FBLN7: variants seen among roughly 807,000 people sequenced by gnomAD.
The protein encoded by FBLN7 is fibulin-7.
Under a neutral mutation model 44.0 loss-of-function variants are expected in FBLN7, and 31 were observed. That is an observed-to-expected ratio of 0.70 (90% CI 0.53 to 0.95). FBLN7 has a LOEUF of 0.95. Among genes scored for constraint, FBLN7 ranks in the 40% least tolerant of loss-of-function variants. The pLI is 0.00. For missense variants in FBLN7, 573 were observed against 618.5 expected, an observed-to-expected ratio of 0.93 and a Z score of 0.78; for synonymous variants, 262 against 253.4, an observed-to-expected ratio of 1.03 and a Z score of -0.32.
chr2:112,181,288 A>C (rs577997228), intron 4 of FBLN7, among the ~76,000 whole-genome samples: 256 of 152,278 alleles, frequency 1.7e-3, no homozygotes, highest in African/African-American at 6.0e-3. Flanking sequence ...GTGTTTATCT[A>C]TGTAACAAAC....
chr2:112,172,351 T>C (rs141774911), intron 3 of FBLN7, among the ~76,000 whole-genome samples: 37 of 152,286 alleles, frequency 2.4e-4, no homozygotes, highest in African/African-American at 8.9e-4. Flanking sequence ...ATTTCCTGAG[T>C]TTTCCCACTT....
the FBLN7 span, among the ~76,000 whole-genome samples, chr2:112,201,518 CT>C: frequency 6.6e-6 from 1 of 151,750 alleles, no homozygotes; most frequent in Non-Finnish European, 1.5e-5. Flanking sequence ...TTTTTCCCTT[CT>C]TTTTTTTTCC....
At chr2:112,146,489 A>C (rs1447129975) in intron 1 of FBLN7, among the ~76,000 whole-genome samples, 1 of 151,722 alleles carries the variant, frequency 6.6e-6, no homozygotes, top group African/African-American at 2.4e-5. Context: ...GGTTTCTTTC[A>C]TCAGTATATA....
intron 3 of FBLN7, among the ~76,000 whole-genome samples, chr2:112,171,727 T>C (rs1682471655): frequency 1.3e-5 from 2 of 152,202 alleles, no homozygotes; most frequent in African/African-American, 2.4e-5. Flanking sequence ...CAATTTTTCA[T>C]TACCTCTTCT....
At chr2:112,205,739 A>T in the FBLN7 span, among the ~76,000 whole-genome samples, 1 of 152,146 alleles carries the variant, frequency 6.6e-6, no homozygotes. Flanking sequence ...AGTAATTTTT[A>T]AAATCCAGCT....
rs770003362 is a variant in FBLN7, at chr2:112,187,929, C to T, written c.*423C>T. Reference sequence around the variant, plus strand: ...TATGAATGAAACGGTTCTAGTCGTGCGGGGGGCCCTAGTCATGCCTCTGCG... The same window carrying T: ...TATGAATGAAACGGTTCTAGTCGTGTGGGGGGCCCTAGTCATGCCTCTGCG... On this transcript the variant is annotated 3_prime_UTR_variant, in exon 8 of 8. Coordinates refer to ENST00000331203, the MANE Select transcript of FBLN7 (RefSeq NM_153214.3). The surrounding 1 kb of genome is among the most constrained non-coding windows in gnomAD (Gnocchi z 5.1). The T allele has an allele frequency of 1.9e-4, 43 of 228,812 alleles. No homozygotes were observed. The highest frequency in any genetic ancestry group is 8.2e-4 in the Admixed American group (16 of 19,522). The allele number at this position is 228,812 out of a possible 1,614,324, so 14.2% of individuals were successfully genotyped here.
intron 3 of FBLN7, among the ~76,000 whole-genome samples, chr2:112,174,618 T>C (rs921056546): frequency 6.6e-6 from 1 of 152,266 alleles, no homozygotes; most frequent in African/African-American, 2.4e-5. Flanking sequence ...CTCTCTCTGA[T>C]GGAAATGGCC....
At chr2:112,181,929 C>T (rs1332905493) in intron 5 of FBLN7, 53 bp downstream of exon 5, 15 of 1,508,460 alleles carry the variant, frequency 9.9e-6, no homozygotes, top group Non-Finnish European at 1.1e-5. Context: ...GGACATGGGG[C>T]GGGGAAGGGG....
the FBLN7 span, chr2:112,212,557 A>G: frequency 5.9e-5 from 9 of 152,220 alleles, no homozygotes; most frequent in Non-Finnish European, 1.2e-4. Flanking sequence ...GGCTTCAACA[A>G]TAATGAAAAT....
intron 3 of FBLN7, 138 bp downstream of exon 3, chr2:112,165,309 T>C: frequency 9.1e-7 from 1 of 1,103,806 alleles, no homozygotes; most frequent in Admixed American, 2.8e-5. Flanking sequence ...CAGCAGCCAA[T>C]GTGCCTGATC....
the FBLN7 span, chr2:112,211,691 CCA>C: frequency 3.3e-5 from 5 of 152,204 alleles, no homozygotes; most frequent in South Asian, 2.1e-4. Flanking sequence ...AAAATATATT[CCA>C]GTTTCAGAGA....
downstream of FBLN7, among the ~76,000 whole-genome samples, chr2:112,192,328 C>T (rs1683517476): frequency 6.6e-6 from 1 of 152,166 alleles, no homozygotes; most frequent in Admixed American, 6.5e-5. Flanking sequence ...TCAAAGAAGG[C>T]CCCAGTGACG....
chr2:112,157,838 G>A (rs1317604259), intron 1 of FBLN7, among the ~76,000 whole-genome samples: 1 of 151,832 alleles, frequency 6.6e-6, no homozygotes, highest in Non-Finnish European at 1.5e-5. Context: ...GGATGCAAGT[G>A]ATCCCAAAGT....
intron 2 of FBLN7, 80 bp from the exon 3 acceptor site, chr2:112,164,921 G>A: frequency 6.7e-7 from 1 of 1,494,432 alleles, no homozygotes; most frequent in Middle Eastern, 2.0e-4. Flanking sequence ...ACTTCGAGAT[G>A]GGAAGTCCTG....
chr2:112,155,545 T>G (rs774871073), intron 1 of FBLN7, among the ~76,000 whole-genome samples: 66 of 152,348 alleles, frequency 4.3e-4, no homozygotes, highest in Non-Finnish European at 7.6e-4. Context: ...CACAGCCTCC[T>G]CACCTTCCCT....
At chr2:112,244,408 A>G in the FBLN7 span, among the ~76,000 whole-genome samples, 2 of 152,376 alleles carry the variant, frequency 1.3e-5, no homozygotes, top group South Asian at 4.1e-4. Flanking sequence ...ACCAACAGCT[A>G]GAAAATGATA....
At chr2:112,215,537 C>T in the FBLN7 span, 1 of 152,162 alleles carries the variant, frequency 6.6e-6, no homozygotes, top group Non-Finnish European at 1.5e-5. Context: ...TAAGAAGTAT[C>T]ACTAGCTTTG....
At chr2:112,230,390 T>C in the FBLN7 span, among the ~76,000 whole-genome samples, 1 of 152,204 alleles carries the variant, frequency 6.6e-6, no homozygotes, top group Non-Finnish European at 1.5e-5. Flanking sequence ...CCAAGAAGTA[T>C]GTATATGGAT....
intron 4 of FBLN7, among the ~76,000 whole-genome samples, chr2:112,178,740 A>G (rs1682848479): frequency 6.6e-6 from 1 of 152,238 alleles, no homozygotes; most frequent in Admixed American, 6.5e-5. Flanking sequence ...AAACAGAACT[A>G]AAAGCAAAAC....
Sources: allele counts gnomAD v4.1 joint callset (sites outside exome capture counted in the v4.1 genomes callset), GRCh38; gene constraint gnomAD v4.1.1; non-coding constraint Gnocchi (gnomAD v3.1); transcripts MANE v1.5; gene names NCBI Gene and HGNC (gene_info 2026-07-23, HGNC 2026-07-21).